Variants in ZNF385D observed in about 807,000 individuals in gnomAD.
ZNF385D encodes zinc finger protein 385D.
ZNF385D carries 15 observed loss-of-function variants against 35.8 expected under a neutral mutation model. That is an observed-to-expected ratio of 0.42 (90% CI 0.28 to 0.64). ZNF385D has a LOEUF of 0.64. Among genes scored for constraint, ZNF385D ranks in the 30% least tolerant of loss-of-function variants. The pLI, the probability that ZNF385D is intolerant of heterozygous loss-of-function variation, is 0.23. For missense variants in ZNF385D, 474 were observed against 494.6 expected (o/e 0.96, Z 0.39); for synonymous variants, 212 against 186.8 (o/e 1.13, Z -1.10).
intron 3 of ZNF385D, among the ~76,000 whole-genome samples, chr3:22,123,960 C>CTT (rs1222647240): frequency 2.7e-5 from 2 of 72,854 alleles, no homozygotes; most frequent in Non-Finnish European, 5.9e-5. Flanking sequence ...CTCTCTCTCT[C>CTT]TCTATATATA....
chr3:21,833,090 G>A lies in ZNF385D; in HGVS notation c.326-168062C>T, dbSNP rs79680055. 5.3e-3 allele frequency among the ~76,000 whole-genome samples: 803 copies of A among 152,082 alleles called. 8 individuals are homozygous for A. The highest frequency in any genetic ancestry group is 0.032 in the East Asian group (165 of 5,154). ...TGCATTTATTCATTCATCAATCAAC[G>A]AATATTTATTGAGTACCTACTGTAC... is the stretch of plus-strand genomic sequence containing the variant. On this transcript the variant is annotated intron_variant, in intron 3 of 5. Transcript: ENST00000494108.
intron 3 of ZNF385D, among the ~76,000 whole-genome samples, chr3:21,840,147 AATG>A (rs1695571060): frequency 6.6e-6 from 1 of 152,074 alleles, no homozygotes; most frequent in African/African-American, 2.4e-5. Context: ...AAATAAATTC[AATG>A]ATGTTTTAAA....
chr3:21,464,813 A>T (rs888185349), intron 4 of ZNF385D, among the ~76,000 whole-genome samples: 2 of 151,912 alleles, frequency 1.3e-5, no homozygotes, highest in Non-Finnish European at 1.5e-5. Flanking sequence ...AGAGAAAAAC[A>T]ATCCCAGAAG....
chr3:22,027,510 C>A (rs1367263400), intron 3 of ZNF385D, among the ~76,000 whole-genome samples: 1 of 152,164 alleles, frequency 6.6e-6, no homozygotes, highest in Non-Finnish European at 1.5e-5. Flanking sequence ...AAGGTCCTGC[C>A]ATCTTCTGCA....
chr3:21,871,650 A>AT (rs2125847616), intron 3 of ZNF385D, among the ~76,000 whole-genome samples: 1 of 152,242 alleles, frequency 6.6e-6, no homozygotes, highest in South Asian at 2.1e-4. Context: ...ATTTAATTTG[A>AT]TTAAGATAGC....
intron 1 of ZNF385D, among the ~76,000 whole-genome samples, chr3:21,699,559 T>G (rs1296380881): frequency 6.6e-6 from 1 of 152,114 alleles, no homozygotes; most frequent in Non-Finnish European, 1.5e-5. Context: ...GTGAGATGCA[T>G]TCTACATGTA....
Position 22,300,807 on chromosome 3 carries a change from A to C in ZNF385D, c.106+71643T>G, listed in dbSNP as rs539585379. ...AAGATAAAAGTTGGTAATAACATGG[A>C]AAAAAGGGAATCCATGTGCAATTTT... On this transcript the variant is annotated intron_variant, in intron 2 of 5. Transcript: ENST00000494108. 4.6e-5 allele frequency among the ~76,000 whole-genome samples: 7 copies of C among 152,118 alleles called. No individual in the cohort carries two copies. The South Asian group carries it at 1.4e-3, about 31-fold the overall frequency.
intron 2 of ZNF385D, among the ~76,000 whole-genome samples, chr3:22,171,991 T>C (rs1694484617): frequency 6.6e-6 from 1 of 151,948 alleles, no homozygotes; most frequent in African/African-American, 2.4e-5. Context: ...CTCCCCAATA[T>C]GGTAAAAACG....
chr3:22,121,256 G>C (rs1316225917), intron 3 of ZNF385D, among the ~76,000 whole-genome samples: 1 of 152,094 alleles, frequency 6.6e-6, no homozygotes, highest in Non-Finnish European at 1.5e-5. Flanking sequence ...GAAGCACAAA[G>C]ACAAATAGAT....
intron 1 of ZNF385D, among the ~76,000 whole-genome samples, chr3:21,692,730 ATTC>A (rs2067324493): frequency 1.3e-5 from 2 of 152,202 alleles, no homozygotes; most frequent in Admixed American, 1.3e-4. Context: ...CTTAGAAGGT[ATTC>A]TTTTGCCACC....
intron 4 of ZNF385D, among the ~76,000 whole-genome samples, chr3:21,508,199 T>C (rs1270764696): frequency 6.6e-6 from 1 of 152,166 alleles, no homozygotes; most frequent in African/African-American, 2.4e-5. Flanking sequence ...CTTCATCATC[T>C]CAACACCATT....
chr3:22,136,575 C>T (rs1421106795), intron 3 of ZNF385D, among the ~76,000 whole-genome samples: 1 of 151,948 alleles, frequency 6.6e-6, no homozygotes, highest in Non-Finnish European at 1.5e-5. Flanking sequence ...TAGGAAAAAT[C>T]CAATTTACAA....
chr3:21,979,489 T>A (rs1694282678), intron 3 of ZNF385D: 1 of 152,172 alleles, frequency 6.6e-6, no homozygotes, highest in Admixed American at 6.6e-5. Flanking sequence ...ATAAGTAAGT[T>A]TTCCTCTAAC....
At chr3:21,610,883 C>T (rs2064655750) in intron 2 of ZNF385D, among the ~76,000 whole-genome samples, 1 of 152,072 alleles carries the variant, frequency 6.6e-6, no homozygotes, top group African/African-American at 2.4e-5. Flanking sequence ...AGGATATCAG[C>T]CTGGAATGTG....
intron 3 of ZNF385D, among the ~76,000 whole-genome samples, chr3:21,522,790 T>G (rs1221222588): frequency 1.3e-5 from 2 of 152,174 alleles, no homozygotes; most frequent in Admixed American, 6.5e-5. Context: ...TTTTTGTGCT[T>G]AAAGTTTTCC....
upstream of ZNF385D, among the ~76,000 whole-genome samples, chr3:21,751,989 C>CCA (rs1332592591): frequency 1.2e-4 from 16 of 137,860 alleles, no homozygotes; most frequent in Non-Finnish European, 1.7e-4. Context: ...TATAATATAG[C>CCA]CACACACACA....
intron 3 of ZNF385D, among the ~76,000 whole-genome samples, chr3:22,152,816 G>A (rs563572589): frequency 6.6e-6 from 1 of 152,172 alleles, no homozygotes; most frequent in South Asian, 2.1e-4. Context: ...TACATCTTTT[G>A]GGGAGTATTA....
At chr3:21,453,168 CAAAA>C (rs3860574) in intron 4 of ZNF385D, among the ~76,000 whole-genome samples, 2 of 143,428 alleles carry the variant, frequency 1.4e-5, no homozygotes, top group South Asian at 2.2e-4. Context: ...CATACACATG[CAAAA>C]AAAAAAAAAA....
At chr3:21,763,920 A>G (rs1194772287) in intron 3 of ZNF385D, among the ~76,000 whole-genome samples, 1 of 152,304 alleles carries the variant, frequency 6.6e-6, no homozygotes, top group Non-Finnish European at 1.5e-5. Flanking sequence ...AAGAACTGTG[A>G]GAGGGGCCAG....
Sources: allele counts gnomAD v4.1 joint callset (sites outside exome capture counted in the v4.1 genomes callset), GRCh38; gene constraint gnomAD v4.1.1; transcripts MANE v1.5; gene names NCBI Gene and HGNC (gene_info 2026-07-23, HGNC 2026-07-21).